NFIA: variants seen among roughly 807,000 people sequenced by gnomAD.
The protein encoded by NFIA is nuclear factor 1 A-type.
NFIA carries 8 observed loss-of-function variants against 62.8 expected under a neutral mutation model. The observed-to-expected ratio is 0.13, with a 90% CI of 0.07 to 0.23. The LOEUF (loss-of-function observed/expected upper bound fraction) is 0.23. Ranked by LOEUF, NFIA falls within the 10% of genes least tolerant of loss-of-function variation. The probability of loss-of-function intolerance (pLI) is 1.00; values close to 1 mark genes in which losing one functional copy is unlikely to be tolerated. For missense variants in NFIA, 410 were observed against 642.1 expected (o/e 0.64, Z 3.91); for synonymous variants, 235 against 238.1 (o/e 0.99, Z 0.12).
chr1:61,125,617 A>G (rs772671361), intron 2 of NFIA, among the ~76,000 whole-genome samples: 2 of 152,228 alleles, frequency 1.3e-5, no homozygotes, highest in Non-Finnish European at 2.9e-5. Flanking sequence ...ATGGTGTCAT[A>G]TGGAAACATT....
chr1:61,214,946 G>T (rs1209826317), intron 2 of NFIA, among the ~76,000 whole-genome samples: 1 of 152,086 alleles, frequency 6.6e-6, no homozygotes, highest in Non-Finnish European at 1.5e-5. Context: ...TTTGCAAAGA[G>T]CTGCAGAGAT....
At chr1:61,421,904 G>A (rs964644835) in intron 9 of NFIA, among the ~76,000 whole-genome samples, 2 of 152,156 alleles carry the variant, frequency 1.3e-5, no homozygotes, top group African/African-American at 4.8e-5. Flanking sequence ...ACAAACCAAT[G>A]TGAACTCACA....
intron 2 of NFIA, among the ~76,000 whole-genome samples, chr1:61,234,506 G>C (rs1482313199): frequency 6.6e-6 from 1 of 152,044 alleles, no homozygotes; most frequent in Non-Finnish European, 1.5e-5. Flanking sequence ...TCTTCTGTGA[G>C]CTCTGAAAGT....
At chr1:61,275,643 T>G (rs1170790631) in intron 2 of NFIA, among the ~76,000 whole-genome samples, 1 of 152,160 alleles carries the variant, frequency 6.6e-6, no homozygotes. Context: ...CGGGACATGA[T>G]CAAGAATTTT....
intron 2 of NFIA, among the ~76,000 whole-genome samples, chr1:61,230,579 C>T (rs1654612204): frequency 6.6e-6 from 1 of 152,158 alleles, no homozygotes; most frequent in African/African-American, 2.4e-5. Context: ...TCTTTACTCC[C>T]AGTCTTTCCC....
At chr1:61,373,426 A>G (rs1663999048) in intron 6 of NFIA, among the ~76,000 whole-genome samples, 1 of 152,156 alleles carries the variant, frequency 6.6e-6, no homozygotes, top group East Asian at 1.9e-4. Flanking sequence ...AATCAGTTTC[A>G]AATTTTTACT....
At chr1:61,102,901 G>A (rs775764320) in intron 2 of NFIA, among the ~76,000 whole-genome samples, 2 of 152,090 alleles carry the variant, frequency 1.3e-5, no homozygotes, top group Non-Finnish European at 1.5e-5. Flanking sequence ...TTGAGCTTTT[G>A]GAAGTAGAAG....
At chr1:61,216,935 G>T (rs1035371485) in intron 2 of NFIA, among the ~76,000 whole-genome samples, 1 of 151,838 alleles carries the variant, frequency 6.6e-6, no homozygotes, top group South Asian at 2.1e-4. Context: ...GGGAGGCAAA[G>T]GTTACAGTGA....
At chr1:61,207,456 C>G (rs903697336) in intron 2 of NFIA, among the ~76,000 whole-genome samples, 7 of 152,006 alleles carry the variant, frequency 4.6e-5, no homozygotes, top group African/African-American at 1.7e-4. Flanking sequence ...AGATAATTTG[C>G]TAATTCTAGC....
chr1:61,136,199 T>G (rs1377460893), intron 2 of NFIA, among the ~76,000 whole-genome samples: 1 of 152,240 alleles, frequency 6.6e-6, no homozygotes, highest in Non-Finnish European at 1.5e-5. Flanking sequence ...AGCCTGGCTT[T>G]CTTCCTTGAT....
chr1:61,311,941 C>T (rs761345094), intron 3 of NFIA, among the ~76,000 whole-genome samples: 3 of 152,198 alleles, frequency 2.0e-5, no homozygotes, highest in Admixed American at 6.5e-5. Flanking sequence ...TTGGAATCAC[C>T]TTTGCAGTCA....
chr1:61,366,261 C>T (rs1663579682), intron 6 of NFIA, among the ~76,000 whole-genome samples: 1 of 152,038 alleles, frequency 6.6e-6, no homozygotes, highest in African/African-American at 2.4e-5. Context: ...GCATTAAGTA[C>T]AGACATATCA....
chr1:61,210,826 T>C (rs1286154110), intron 2 of NFIA, among the ~76,000 whole-genome samples: 1 of 152,200 alleles, frequency 6.6e-6, no homozygotes, highest in African/African-American at 2.4e-5. Flanking sequence ...CTTGGCTCCA[T>C]CTACAGGCAA....
At chr1:61,264,491 A>G (rs560547700) in intron 2 of NFIA, among the ~76,000 whole-genome samples, 32 of 151,978 alleles carry the variant, frequency 2.1e-4, no homozygotes, top group African/African-American at 7.0e-4. Context: ...TAAAAAATAC[A>G]AAAAAGAAAA....
intron 6 of NFIA, among the ~76,000 whole-genome samples, chr1:61,366,758 G>A (rs892851994): frequency 2.0e-5 from 3 of 151,972 alleles, no homozygotes; most frequent in Admixed American, 6.6e-5. Flanking sequence ...CCCCATCTCT[G>A]CTAAAAACAC....
intron 3 of NFIA, among the ~76,000 whole-genome samples, chr1:61,295,773 G>A (rs745728365): frequency 3.1e-4 from 47 of 152,296 alleles, no homozygotes; most frequent in Non-Finnish European, 5.9e-4. Flanking sequence ...GTATCTGAAA[G>A]CACTTTATGA....
chr1:61,139,641 G>A (rs1046166652), intron 2 of NFIA, among the ~76,000 whole-genome samples: 1 of 152,156 alleles, frequency 6.6e-6, no homozygotes, highest in African/African-American at 2.4e-5. Flanking sequence ...GGTGCCTGCT[G>A]TGGTGGCATT....
At chr1:61,206,459 G>C (rs1241960296) in intron 2 of NFIA, among the ~76,000 whole-genome samples, 1 of 152,166 alleles carries the variant, frequency 6.6e-6, no homozygotes, top group Non-Finnish European at 1.5e-5. Context: ...GTTGACTAGG[G>C]AAGAAAACTG....
chr1:61,328,301 C>T (rs900929939), intron 3 of NFIA, among the ~76,000 whole-genome samples: 1 of 152,004 alleles, frequency 6.6e-6, no homozygotes, highest in African/African-American at 2.4e-5. Flanking sequence ...CTGAAGAGCT[C>T]TTTCTTCTTT....
Sources: allele counts gnomAD v4.1 joint callset (sites outside exome capture counted in the v4.1 genomes callset), GRCh38; gene constraint gnomAD v4.1.1; transcripts MANE v1.5; gene names NCBI Gene and HGNC (gene_info 2026-07-23, HGNC 2026-07-21).